STK32A: variants seen among roughly 807,000 people sequenced by gnomAD.
STK32A encodes the protein serine/threonine-protein kinase 32A.
A neutral mutation model predicts 53.2 loss-of-function variants in STK32A; 41 were observed. The ratio of observed to expected loss-of-function variants is 0.77; its 90% CI spans 0.60 to 1.00. The LOEUF is 1.00. STK32A is among the 50% of genes least tolerant of loss of function. STK32A has a pLI of 0.00. For missense variants in STK32A, 458 were observed against 485.8 expected, an observed-to-expected ratio of 0.94 and a Z score of 0.54; for synonymous variants, 166 against 162.8, an observed-to-expected ratio of 1.02 and a Z score of -0.15.
At chr5:147,253,043 G>T (rs1413881544) in intron 2 of STK32A, among the ~76,000 whole-genome samples, 1 of 152,078 alleles carries the variant, frequency 6.6e-6, no homozygotes, top group Non-Finnish European at 1.5e-5. Context: ...TCAATTCCTT[G>T]AAATTTGTTG....
chr5:147,270,844 T>C (rs560867760), intron 2 of STK32A, among the ~76,000 whole-genome samples: 1 of 152,314 alleles, frequency 6.6e-6, no homozygotes, highest in African/African-American at 2.4e-5. Context: ...TCAAGAATAT[T>C]TGATGCAACA....
Position 147,239,553 on chromosome 5 carries a change from C to A in STK32A, c.-82C>A. 1 of 1,096,490 alleles carries A rather than the reference C, an allele frequency of 9.1e-7. No homozygotes were observed. Among genetic ancestry groups the A allele is most frequent in the Non-Finnish European group, 1.3e-6 (1 of 750,200 alleles). 67.9% of individuals were successfully genotyped at this position (1,096,490 alleles called of 1,614,324 possible). On this transcript the variant is annotated 5_prime_UTR_variant, in exon 2 of 13. Coordinates refer to ENST00000397936, the MANE Select transcript of STK32A (RefSeq NM_001112724.2). ...TCCTATCCTAGATATCCAACTAAGGCTTCGGGACATGTTTTGAGCGAAGAT... is the reference window on the plus strand; with the variant it reads ...TCCTATCCTAGATATCCAACTAAGGATTCGGGACATGTTTTGAGCGAAGAT...
intron 2 of STK32A, among the ~76,000 whole-genome samples, chr5:147,275,333 CTT>C (rs10595898): frequency 0.16 from 24,145 of 148,822 alleles, 2,304 homozygotes; most frequent in East Asian, 0.49. Flanking sequence ...CTTCCAGTCA[CTT>C]TTTTTTTTTT....
Position 147,358,912 on chromosome 5 carries a change from A to C in STK32A, c.563-2605A>C, listed in dbSNP as rs143901399. 1.4e-4 allele frequency among the ~76,000 whole-genome samples: 21 copies of C among 152,322 alleles called. No homozygotes were observed. In the East Asian group the frequency reaches 4.1e-3, roughly 29 times the overall value. On this transcript the variant is annotated intron_variant, in intron 7 of 12. Transcript: ENST00000397936. ...ATATAGAAAAACAAGAAAATTATTAACATAAAATTTAGCACAGTGACTTCT... is the reference window on the plus strand; with the variant it reads ...ATATAGAAAAACAAGAAAATTATTACCATAAAATTTAGCACAGTGACTTCT...
the STK32A span, chr5:147,399,136 G>A: frequency 6.2e-6 from 10 of 1,614,216 alleles, no homozygotes; most frequent in South Asian, 3.3e-5. Context: ...CCCAGATGAC[G>A]AGGTCGCTGT....
intron 11 of STK32A, among the ~76,000 whole-genome samples, chr5:147,378,081 A>G (rs1757301347): frequency 6.6e-6 from 1 of 152,144 alleles, no homozygotes; most frequent in South Asian, 2.1e-4. Context: ...ACCTTATTAT[A>G]TTATTAACAT....
the STK32A span, chr5:147,399,318 A>T: frequency 4.6e-6 from 7 of 1,514,248 alleles, no homozygotes; most frequent in Non-Finnish European, 6.2e-6. Flanking sequence ...GGGCTTCTGA[A>T]CTCAGAGAAA....
intron 3 of STK32A, among the ~76,000 whole-genome samples, chr5:147,278,919 A>T (rs111335605): frequency 0.013 from 1,996 of 152,148 alleles, 59 homozygotes; most frequent in African/African-American, 0.045. Flanking sequence ...TATTTCAGTC[A>T]CTCAAAGCAG....
chr5:147,292,421 G>A (rs1331517263), intron 4 of STK32A, among the ~76,000 whole-genome samples: 3 of 152,186 alleles, frequency 2.0e-5, no homozygotes, highest in East Asian at 3.8e-4. Flanking sequence ...AATTCTGGAG[G>A]AATCAGGTAG....
At chr5:147,397,160 ATG>A in the STK32A span, among the ~76,000 whole-genome samples, 2 of 46,544 alleles carry the variant, frequency 4.3e-5, no homozygotes, top group African/African-American at 2.6e-4. Context: ...GCACACATGT[ATG>A]TATCTATAGA....
intron 2 of STK32A, among the ~76,000 whole-genome samples, chr5:147,260,301 C>CTCTCTA (rs1754494046): frequency 7.3e-6 from 1 of 136,726 alleles, no homozygotes; most frequent in Admixed American, 7.9e-5. Flanking sequence ...GCCTGTCTCT[C>CTCTCTA]TCTCTCTCTC....
intron 6 of STK32A, 184 bp downstream of exon 6, chr5:147,343,227 T>A: frequency 1.3e-6 from 1 of 767,336 alleles, no homozygotes; most frequent in Non-Finnish European, 2.4e-6. Context: ...AGTACAACAA[T>A]ACACCCTTAA....
At chr5:147,332,073 G>A (rs1231618776) in intron 5 of STK32A, among the ~76,000 whole-genome samples, 1 of 152,160 alleles carries the variant, frequency 6.6e-6, no homozygotes, top group Non-Finnish European at 1.5e-5. Flanking sequence ...TGTTTTCTTT[G>A]CTGCTAATTT....
At chr5:147,376,564 C>T (rs889858193) in intron 11 of STK32A, among the ~76,000 whole-genome samples, 5 of 152,252 alleles carry the variant, frequency 3.3e-5, no homozygotes, top group Non-Finnish European at 7.4e-5. Flanking sequence ...TTTGACCATA[C>T]GTACCATGCT....
At chr5:147,271,923 T>G (rs1261025723) in intron 2 of STK32A, among the ~76,000 whole-genome samples, 1 of 152,188 alleles carries the variant, frequency 6.6e-6, no homozygotes. Flanking sequence ...TCTATTACTT[T>G]GTGGAGCACG....
In STK32A at chr5:147,278,285, A is replaced by T. The variant is rs377116502; in HGVS notation, c.108+106A>T. On this transcript the variant is annotated intron_variant, in intron 3 of 12. Transcript: ENST00000397936. ...TGAGTTGCTGGGACCGCAAGGAAAG[A>T]TAATTAAGTGAAAATGTTTTTGTAA... 2,056 of 897,814 alleles carry T rather than the reference A, an allele frequency of 2.3e-3. 12 individuals are homozygous for T. The highest frequency in any genetic ancestry group is 3.1e-3 in the Non-Finnish European group (1,818 of 586,734). 55.6% of individuals were successfully genotyped at this position (897,814 alleles called of 1,614,324 possible).
chr5:147,296,028 T>G (rs1752850789), intron 4 of STK32A, among the ~76,000 whole-genome samples: 2 of 152,200 alleles, frequency 1.3e-5, no homozygotes, highest in African/African-American at 4.8e-5. Flanking sequence ...CTCCTCCAGG[T>G]GCACAGAGGC....
intron 6 of STK32A, among the ~76,000 whole-genome samples, chr5:147,349,862 A>G (rs1325217370): frequency 1.3e-5 from 2 of 152,120 alleles, no homozygotes; most frequent in African/African-American, 4.8e-5. Context: ...CTGTAATCCC[A>G]ACACTTTCAG....
In STK32A at chr5:147,373,332, A is replaced by G. The variant is rs1434251302; in HGVS notation, c.903+38A>G. The G allele has an allele frequency of 5.0e-6, 8 of 1,609,868 alleles. No homozygotes were observed. In the East Asian group the frequency reaches 1.8e-4, roughly 36 times the overall value. On this transcript the variant is annotated intron_variant, in intron 10 of 12. Coordinates refer to ENST00000397936, the MANE Select transcript of STK32A (RefSeq NM_001112724.2). ...TAACAAAGCCAAATAACTCCCATTCAGTGCGCATTACCCGGTGTGCCAGAT... is the reference window on the plus strand; with the variant it reads ...TAACAAAGCCAAATAACTCCCATTCGGTGCGCATTACCCGGTGTGCCAGAT...
Sources: gnomAD v4.1 joint callset for allele counts (sites outside exome capture counted in the v4.1 genomes callset) on GRCh38, gnomAD v4.1.1 for gene constraint, MANE v1.5 for transcripts, NCBI Gene and HGNC (gene_info 2026-07-23, HGNC 2026-07-21) for gene names.